The following CBY1 variants were observed in gnomAD, a reference collection of about 807,000 sequenced individuals.
CBY1 encodes protein chibby homolog 1.
CBY1 carries 10 observed loss-of-function variants against 15.6 expected under a neutral mutation model. That is an observed-to-expected ratio of 0.64 (90% confidence interval 0.40 to 1.09). The LOEUF (loss-of-function observed/expected upper bound fraction) is 1.09. CBY1 is among the 50% of genes least tolerant of loss of function. The pLI is 0.01. For synonymous variants in CBY1, 61 were observed against 63.5 expected (o/e 0.96, Z 0.19); for missense variants, 150 against 160.5 (o/e 0.93, Z 0.35).
intron 2 of CBY1, chr22:38,668,816 T>C (rs2092444398): frequency 6.6e-6 from 1 of 152,576 alleles, no homozygotes; most frequent in Non-Finnish European, 1.5e-5. Context: ...TTTCAGGTCT[T>C]AAGAGTCTGT....
At position 38,673,371 on chromosome 22, in the gene CBY1, G is replaced by T; in HGVS notation, c.*135G>T. The T allele has an allele frequency of 1.7e-6, 1 of 605,134 alleles. No individual in the cohort carries two copies. Among genetic ancestry groups the T allele is most frequent in the East Asian group, 2.9e-5 (1 of 34,186 alleles). The allele number at this position is 605,134 out of a possible 1,614,324, so 37.5% of individuals were successfully genotyped here. A position where few individuals can be genotyped will look rare whatever the true frequency, so the allele number is the denominator to read the frequency against. Reference sequence around the variant, plus strand: ...CACTGGCACCCTTGGGTTGGCAATAGAAGGTGACATGGAATGGAGAAAACC... The same window carrying T: ...CACTGGCACCCTTGGGTTGGCAATATAAGGTGACATGGAATGGAGAAAACC... On this transcript the variant is annotated 3_prime_UTR_variant, in exon 5 of 5. Coordinates refer to ENST00000216029, the MANE Select transcript of CBY1 (RefSeq NM_015373.4).
chr22:38,662,313 T>A (rs6001187), intron 1 of CBY1, among the ~76,000 whole-genome samples: 6,216 of 118,340 alleles, frequency 0.053, 321 homozygotes, highest in African/African-American at 0.13. Flanking sequence ...AAAAAAAAAA[T>A]AAATAAATAA....
At chr22:38,662,288 T>G (rs2092424264) in intron 1 of CBY1, among the ~76,000 whole-genome samples, 1 of 141,920 alleles carries the variant, frequency 7.0e-6, no homozygotes, top group African/African-American at 2.6e-5. Context: ...GGCAACAGAA[T>G]GAGACTCTGT....
intron 1 of CBY1, among the ~76,000 whole-genome samples, chr22:38,658,924 ATTTTATTTTTAT>A (rs953700377): frequency 1.5e-4 from 23 of 152,052 alleles, no homozygotes; most frequent in African/African-American, 5.3e-4. Flanking sequence ...GCTATTTACA[ATTTTATTTTTAT>A]TTTTATTTTT....
At chr22:38,667,575 A>G (rs2092440638) in intron 1 of CBY1, 1 of 158,096 alleles carries the variant, frequency 6.3e-6, no homozygotes, top group Admixed American at 6.3e-5. Context: ...ACAGATTACC[A>G]CAGACTGGGT....
chr22:38,660,846 C>T (rs1046771049), intron 1 of CBY1, among the ~76,000 whole-genome samples: 1 of 151,772 alleles, frequency 6.6e-6, no homozygotes, highest in South Asian at 2.1e-4. Flanking sequence ...AAGCGATTCT[C>T]CTGCCTCAGT....
chr22:38,662,176 C>T (rs1243378892), intron 1 of CBY1, among the ~76,000 whole-genome samples: 1 of 151,892 alleles, frequency 6.6e-6, no homozygotes, highest in Non-Finnish European at 1.5e-5. Flanking sequence ...GTGGCGCGTG[C>T]CTGTGATCTC....
In CBY1 at chr22:38,673,255, T is replaced by G. The variant is rs370222288; in HGVS notation, c.*19T>G. On this transcript the variant is annotated 3_prime_UTR_variant, in exon 5 of 5. Transcript: ENST00000216029. ...AAAATGAAGACCCCAGAGACATTTA[T>G]TGGGGAGTAGGATGTGGCTGAGTGC... 6.5e-7 allele frequency: 1 copy of G among 1,550,174 alleles called. No homozygotes were observed. Among genetic ancestry groups the G allele is most frequent in the South Asian group, 1.1e-5 (1 of 89,778 alleles).
rs768509482 is a variant in CBY1 at position 38,673,222 on chromosome 22, C to T, written c.367C>T (p.Arg123Trp). 2.3e-5 allele frequency: 37 copies of T among 1,610,994 alleles called. No homozygotes were observed. Among genetic ancestry groups the T allele is most frequent in the Non-Finnish European group, 2.9e-5 (34 of 1,177,540 alleles). The change falls in exon 5 of 5, where the codon CGG (arginine) becomes TGG (tryptophan). Residue 123 changes from arginine (R) to tryptophan (W), a missense_variant. Physicochemically the swap from Arg to Trp is moderately radical, Grantham distance 101. Transcript: ENST00000216029. ...GGAACTGGATGAACTGAGGATCAGCCGGAAGAGAAAATGAAGACCCCAGAG... is the reference window on the plus strand; with the variant it reads ...GGAACTGGATGAACTGAGGATCAGCTGGAAGAGAAAATGAAGACCCCAGAG... ...EKELDELRIS[R>W]KRK
intron 1 of CBY1, among the ~76,000 whole-genome samples, chr22:38,660,882 C>A (rs775190889): frequency 2.6e-5 from 4 of 151,898 alleles, no homozygotes; most frequent in Non-Finnish European, 4.4e-5. Flanking sequence ...CATGGATATT[C>A]CTATTTTATT....
intron 2 of CBY1, chr22:38,668,520 G>A (rs369292796): frequency 1.7e-4 from 27 of 162,852 alleles, no homozygotes; most frequent in African/African-American, 5.5e-4. Flanking sequence ...ACAACTGCCC[G>A]CCACCATGCC....
chr22:38,666,407 T>G lies in CBY1; in HGVS notation c.-38-1610T>G, dbSNP rs1007800411. The G allele has an allele frequency of 2.6e-5, 4 of 152,014 alleles. No individual in the cohort carries two copies. In the East Asian group the frequency reaches 7.8e-4, roughly 29 times the overall value. The allele number at this position is 152,014 out of a possible 1,614,324, so 9.4% of individuals were successfully genotyped here. On this transcript the variant is annotated intron_variant, in intron 1 of 4. Coordinates refer to ENST00000216029, the MANE Select transcript of CBY1 (RefSeq NM_015373.4). Reference sequence around the variant, plus strand: ...AATAAAAAGTTTGCTTCTCCCCTCCTTTTCTCCCCAAAAACCAGGGTGTTA... The same window carrying G: ...AATAAAAAGTTTGCTTCTCCCCTCCGTTTCTCCCCAAAAACCAGGGTGTTA...
At chr22:38,663,426 TG>T (rs1339749073) in intron 1 of CBY1, among the ~76,000 whole-genome samples, 1 of 150,222 alleles carries the variant, frequency 6.7e-6, no homozygotes, top group East Asian at 2.0e-4. Context: ...CCGGACGCGG[TG>T]GCCCACACCT....
rs140554782 is a variant in CBY1 at position 38,671,160 on chromosome 22, G to A, written c.275G>A (p.Arg92Gln). Reference sequence around the variant, plus strand: ...TTGGAGGAAGAGAACAATCTCTTGCGGCTGAAAGTGGACATCTTATTAGAC... The same window carrying A: ...TTGGAGGAAGAGAACAATCTCTTGCAGCTGAAAGTGGACATCTTATTAGAC... ...QQLEEENNLL[R>Q]LKVDILLDML... Residue 92 changes from arginine to glutamine, a missense_variant, in exon 4 of 5, where the codon CGG becomes CAG. Transcript: ENST00000216029. 5.0e-5 allele frequency: 80 copies of A among 1,613,560 alleles called. 1 individual carries two copies. The Middle Eastern group carries it at 6.6e-4, about 13-fold the overall frequency.
rs777259688 is a variant in CBY1, at chr22:38,673,449, G to A, written c.*213G>A. 1.5e-5 allele frequency: 7 copies of A among 468,302 alleles called. No homozygotes were observed. Among genetic ancestry groups the A allele is most frequent in the Admixed American group, 3.3e-5 (1 of 30,034 alleles). The allele number at this position is 468,302 out of a possible 1,614,324, so 29.0% of individuals were successfully genotyped here. ...AAGGTGCTTCAGATGCACTGCCTGC[G>A]GGTGCCAGTCTGAAAACCAGACCGC... On this transcript the variant is annotated 3_prime_UTR_variant, in exon 5 of 5. Coordinates refer to ENST00000216029, the MANE Select transcript of CBY1 (RefSeq NM_015373.4).
chr22:38,661,151 C>A (rs761190337), intron 1 of CBY1, among the ~76,000 whole-genome samples: 1 of 151,876 alleles, frequency 6.6e-6, no homozygotes, highest in Non-Finnish European at 1.5e-5. Flanking sequence ...GTCTATGATT[C>A]TTTTTATTTT....
intron 2 of CBY1, among the ~76,000 whole-genome samples, chr22:38,669,105 G>A (rs566668430): frequency 6.6e-6 from 1 of 152,298 alleles, no homozygotes; most frequent in South Asian, 2.1e-4. Flanking sequence ...CCCCTACATT[G>A]TTTTCCACAT....
At chr22:38,670,436 T>C (rs2092449272) in intron 2 of CBY1, 1 of 154,858 alleles carries the variant, frequency 6.5e-6, no homozygotes, top group Non-Finnish European at 1.4e-5. Flanking sequence ...AATATGTAAA[T>C]TGTACTGTCG....
chr22:38,669,810 G>A (rs2092447287), intron 2 of CBY1: 1 of 152,338 alleles, frequency 6.6e-6, no homozygotes, highest in Non-Finnish European at 1.5e-5. Context: ...TGAATATCTA[G>A]GCCAGGCGCA....
Sources: allele counts gnomAD v4.1 joint callset (sites outside exome capture counted in the v4.1 genomes callset), GRCh38; gene constraint gnomAD v4.1.1; transcripts MANE v1.5; gene names NCBI Gene and HGNC (gene_info 2026-07-23, HGNC 2026-07-21).